Variants in HLA-DMB observed in about 807,000 individuals in gnomAD.
HLA-DMB encodes the protein major histocompatibility complex, class II, DM beta.
A neutral mutation model predicts 29.3 loss-of-function variants in HLA-DMB; 18 were observed. The observed-to-expected ratio is 0.62, with a 90% CI of 0.43 to 0.91. HLA-DMB has a LOEUF of 0.91. Among genes scored for constraint, HLA-DMB ranks in the 40% least tolerant of loss-of-function variants. The probability of loss-of-function intolerance (pLI) is 0.00; values close to 1 mark genes in which losing one functional copy is unlikely to be tolerated. For synonymous variants in HLA-DMB, 143 were observed against 128.7 expected, an observed-to-expected ratio of 1.11 and a Z score of -0.75; for missense variants, 258 against 320.9, an observed-to-expected ratio of 0.80 and a Z score of 1.50.
rs763123754 is a variant in HLA-DMB at position 32,937,145 on chromosome 6, A to G, written c.622+27T>C. 6.5e-7 allele frequency: 1 copy of G among 1,541,912 alleles called. No individual in the cohort carries two copies. The highest frequency in any genetic ancestry group is 8.8e-7 in the Non-Finnish European group (1 of 1,138,548). On this transcript the variant is annotated intron_variant, in intron 3 of 5. Transcript: ENST00000418107. This position sits in a 1 kb window ranked among gnomAD's most constrained non-coding sequence, Gnocchi z 4.1. The stretch of plus-strand genomic sequence containing the variant: ...ATCTCATTTTCTCTGCTTTGACCCT[A>G]ATTCCATCCATCTGCCATACACTTA...
chr6:32,935,150 C>T (rs1434412278), intron 5 of HLA-DMB, 163 bp from the exon 6 acceptor site: 2 of 865,344 alleles, frequency 2.3e-6, no homozygotes, highest in African/African-American at 3.4e-5. Flanking sequence ...ACAGACATCC[C>T]ACTTGGTAGA....
Position 32,937,616 on chromosome 6 carries a change from G to A in HLA-DMB, c.338-160C>T. On this transcript the variant is annotated intron_variant, in intron 2 of 5. Coordinates refer to ENST00000418107, the MANE Select transcript of HLA-DMB (RefSeq NM_002118.5). This position sits in a 1 kb window ranked among gnomAD's most constrained non-coding sequence, Gnocchi z 4.1. ...CCCCTTGAAGGGGAACCGTTAGAAT[G>A]TATTCCTGCATTACTCTTTCTTCTC... is the stretch of plus-strand genomic sequence containing the variant. The A allele has an allele frequency of 1.6e-6, 1 of 617,508 alleles. No homozygotes were observed. Among genetic ancestry groups the A allele is most frequent in the East Asian group, 2.8e-5 (1 of 36,144 alleles). 38.3% of individuals were successfully genotyped at this position (617,508 alleles called of 1,614,324 possible).
chr6:32,940,854 C>G lies in HLA-DMB; in HGVS notation c.-47G>C. The G allele has an allele frequency of 1.3e-6, 2 of 1,491,832 alleles. No homozygotes were observed. The highest frequency in any genetic ancestry group is 1.8e-6 in the Non-Finnish European group (2 of 1,091,810). The allele number at this position is 1,491,832 out of a possible 1,614,324, so 92.4% of individuals were successfully genotyped here. ...GGGAGTTCAGTCCCCTGGACCAGCT[C>G]TTCCAGGGTCCGTGGGTCCTCGCCT... On this transcript the variant is annotated 5_prime_UTR_variant, in exon 1 of 6. Transcript: ENST00000418107.
Position 32,937,156 on chromosome 6 carries a change from T to C in HLA-DMB, c.622+16A>G. 3.2e-6 allele frequency: 5 copies of C among 1,550,936 alleles called. No homozygotes were observed. The highest frequency in any genetic ancestry group is 3.5e-6 in the Non-Finnish European group (4 of 1,144,388). On this transcript the variant is annotated intron_variant, in intron 3 of 5. Transcript: ENST00000418107. This position sits in a 1 kb window ranked among gnomAD's most constrained non-coding sequence, Gnocchi z 4.1. The stretch of plus-strand genomic sequence containing the variant: ...TCTGCTTTGACCCTAATTCCATCCA[T>C]CTGCCATACACTTACTCCAGTCCCG...
rs746125292 is a variant in HLA-DMB, at chr6:32,934,827, G to T, written c.*144C>A. 1 of 854,990 alleles carries T rather than the reference G, an allele frequency of 1.2e-6. No homozygotes were observed. The highest frequency in any genetic ancestry group is 1.9e-6 in the Non-Finnish European group (1 of 532,028). 53.0% of individuals were successfully genotyped at this position (854,990 alleles called of 1,614,324 possible). On this transcript the variant is annotated 3_prime_UTR_variant, in exon 6 of 6. Coordinates refer to ENST00000418107, the MANE Select transcript of HLA-DMB (RefSeq NM_002118.5). ...CCAAGTTGCTAAGTTTTACATAGGG[G>T]AGACTGGGAAATTCAAAGAATTGGA... is the stretch of plus-strand genomic sequence containing the variant.
In HLA-DMB at chr6:32,938,699, G is replaced by A; in HGVS notation, c.322C>T (p.Leu108=). The A allele has an allele frequency of 6.6e-7, 1 of 1,522,958 alleles. No homozygotes were observed. The highest frequency in any genetic ancestry group is 8.8e-7 in the Non-Finnish European group (1 of 1,131,082). The allele number at this position is 1,522,958 out of a possible 1,614,324, so 94.3% of individuals were successfully genotyped here. The change falls in exon 2 of 6, where the codon CTG becomes TTG. Residue 108 remains leucine (L), a synonymous_variant. Transcript: ENST00000418107. ...ATHTQPFWGS[L]TNRTRPPSVQ... is the part of the protein sequence containing the mutation. ...CTCTCCTCACGTGTCCTGTTGGTCAGTGATCCCCAGAAGGGCTGGGTGTGT... is the reference window on the plus strand; with the variant it reads ...CTCTCCTCACGTGTCCTGTTGGTCAATGATCCCCAGAAGGGCTGGGTGTGT...
intron 1 of HLA-DMB, 145 bp from the exon 2 acceptor site, chr6:32,939,110 G>A (rs1051828406): frequency 3.9e-6 from 2 of 508,380 alleles, no homozygotes; most frequent in Non-Finnish European, 5.9e-6. Flanking sequence ...ACAGAGCTTT[G>A]TCTTTGACCC....
Position 32,934,897 on chromosome 6 carries a change from G to T in HLA-DMB, c.*74C>A. On this transcript the variant is annotated 3_prime_UTR_variant, in exon 6 of 6. Transcript: ENST00000418107. The stretch of plus-strand genomic sequence containing the variant: ...AAGATAATGTCAGGGGGTTGAAGAT[G>T]TTGGAGAGGCATGGTAGCATCATTG... 7.3e-7 allele frequency: 1 copy of T among 1,377,506 alleles called. No individual in the cohort carries two copies. The highest frequency in any genetic ancestry group is 1.0e-6 in the Non-Finnish European group (1 of 966,056). The allele number at this position is 1,377,506 out of a possible 1,614,324, so 85.3% of individuals were successfully genotyped here.
intron 3 of HLA-DMB, chr6:32,936,079 T>A (rs1004008732): frequency 2.2e-5 from 4 of 179,436 alleles, no homozygotes; most frequent in Non-Finnish European, 3.5e-5. Context: ...TGTCTTAACC[T>A]CCAGTGGATC....
rs148615873 is a variant in HLA-DMB at position 32,935,568 on chromosome 6, C to T, written c.707G>A (p.Gly236Asp). The change falls in exon 4 of 6, where the codon GGT becomes GAT. Residue 236 changes from glycine (G) to aspartate (D), a missense_variant. Gly to Asp is a moderately conservative substitution (Grantham distance 94, BLOSUM62 -1). Coordinates refer to ENST00000418107, the MANE Select transcript of HLA-DMB (RefSeq NM_002118.5). ...GCCAGCTCTCCGCCAGCTGATCACACCAAGAGAGAAGATGATGAGGCCCAG... is the reference window on the plus strand; with the variant it reads ...GCCAGCTCTCCGCCAGCTGATCACATCAAGAGAGAAGATGATGAGGCCCAG... ...LGLGLIIFSL[G>D]VISWRRAGHS... 4.3e-6 allele frequency: 7 copies of T among 1,613,056 alleles called. No individual in the cohort carries two copies. Among genetic ancestry groups the T allele is most frequent in the Non-Finnish European group, 5.9e-6 (7 of 1,180,002 alleles).
At position 32,938,517 on chromosome 6, in the gene HLA-DMB, C is replaced by A. The variant is rs1196308283; in HGVS notation, c.337+167G>T. 1.1e-5 allele frequency: 7 copies of A among 644,860 alleles called. No individual in the cohort carries two copies. In the African/African-American group the frequency reaches 1.1e-4, roughly 10 times the overall value. 39.9% of individuals were successfully genotyped at this position (644,860 alleles called of 1,614,324 possible). A position where few individuals can be genotyped will look rare whatever the true frequency, so the allele number is the denominator to read the frequency against. On this transcript the variant is annotated intron_variant, in intron 2 of 5. Transcript: ENST00000418107. ...ACTCCTGTTCCACTCACGTCAGCCA[C>A]CTTGTTCCCCTTGAGGTTCAATCCT...
rs3101943 is a variant in HLA-DMB at position 32,940,975 on chromosome 6, G to A, written c.-168C>T. 8.9e-3 allele frequency: 4,930 copies of A among 552,624 alleles called. 45 individuals carry two copies. The highest frequency in any genetic ancestry group is 1.0e-2 in the Non-Finnish European group (3,046 of 304,772). 34.2% of individuals were successfully genotyped at this position (552,624 alleles called of 1,614,324 possible). A position where few individuals can be genotyped will look rare whatever the true frequency, so the allele number is the denominator to read the frequency against. ...TGACCCCCCAAATGAGTGATGTGGGGATACCCAGCCCCTAGATATTAAATC... is the reference window on the plus strand; with the variant it reads ...TGACCCCCCAAATGAGTGATGTGGGAATACCCAGCCCCTAGATATTAAATC... On this transcript the variant is annotated 5_prime_UTR_variant, in exon 1 of 6. Coordinates refer to ENST00000418107, the MANE Select transcript of HLA-DMB (RefSeq NM_002118.5).
In HLA-DMB at chr6:32,934,660, A is replaced by G. The variant is rs1181784000; in HGVS notation, c.*311T>C. The G allele has an allele frequency of 2.6e-6, 1 of 386,582 alleles. No homozygotes were observed. Among genetic ancestry groups the G allele is most frequent in the Non-Finnish European group, 4.6e-6 (1 of 216,260 alleles). 23.9% of individuals were successfully genotyped at this position (386,582 alleles called of 1,614,324 possible). A position where few individuals can be genotyped will look rare whatever the true frequency, so the allele number is the denominator to read the frequency against. On this transcript the variant is annotated 3_prime_UTR_variant, in exon 6 of 6. Coordinates refer to ENST00000418107, the MANE Select transcript of HLA-DMB (RefSeq NM_002118.5). ...ATTTCCACCAAAGTTTATTTCTCTG[A>G]AACAATCACCAGTTGCTGTCCTCTA...
intron 3 of HLA-DMB, chr6:32,936,678 C>T (rs1776017575): frequency 6.5e-6 from 1 of 153,604 alleles, no homozygotes; most frequent in Non-Finnish European, 1.5e-5. Flanking sequence ...GCAGTACTGC[C>T]CCACACCAAG....
Position 32,938,868 on chromosome 6 carries a change from C to G in HLA-DMB, c.153G>C (p.Leu51=). The change falls in exon 2 of 6, where the codon CTG becomes CTC. Residue 51 remains leucine, a synonymous_variant. Transcript: ENST00000418107. ...TATTCTCCTCTGGATCCCAGCAGGT[C>G]AGCAGATCCTTGTTGAAGGAGATGC... is the stretch of plus-strand genomic sequence containing the variant. ...TYCISFNKDL[L]TCWDPEENKM... 6.2e-7 allele frequency: 1 copy of G among 1,612,396 alleles called. No individual in the cohort carries two copies. Among genetic ancestry groups the G allele is most frequent in the Non-Finnish European group, 8.5e-7 (1 of 1,179,768 alleles).
chr6:32,940,249 C>A (rs1776274707), intron 1 of HLA-DMB, among the ~76,000 whole-genome samples: 1 of 151,992 alleles, frequency 6.6e-6, no homozygotes, highest in Admixed American at 6.6e-5. Flanking sequence ...TTGAGGGAGT[C>A]AGTAGAAGTA....
At position 32,935,646 on chromosome 6, in the gene HLA-DMB, C is replaced by T; in HGVS notation, c.629G>A (p.Gly210Glu). Residue 210 changes from glycine to glutamate, a missense_variant, in exon 4 of 6, where the codon GGG (glycine) becomes GAG (glutamate). Transcript: ENST00000418107. ...PEPILRDWTP[G>E]LSPMQTLKVS... ...CTTCAGGGTCTGCATGGGGGACAGC[C>T]CAGGTGCTGCAAAAAATAGAAACTT... 6.2e-7 allele frequency: 1 copy of T among 1,611,346 alleles called. No homozygotes were observed. The highest frequency in any genetic ancestry group is 8.5e-7 in the Non-Finnish European group (1 of 1,178,928).
At position 32,939,032 on chromosome 6, in the gene HLA-DMB, A is replaced by G. The variant is rs1191843732; in HGVS notation, c.56-67T>C. On this transcript the variant is annotated intron_variant, in intron 1 of 5. Coordinates refer to ENST00000418107, the MANE Select transcript of HLA-DMB (RefSeq NM_002118.5). ...CTGGCCTGGCAATAAATAAATAAAT[A>G]TATAAATAATAAATATACACAAATA... 1.8e-5 allele frequency: 17 copies of G among 938,502 alleles called. No homozygotes were observed. In the South Asian group the frequency reaches 7.8e-4, roughly 43 times the overall value. The allele number at this position is 938,502 out of a possible 1,614,324, so 58.1% of individuals were successfully genotyped here.
At chr6:32,940,339 C>T (rs1265473906) in intron 1 of HLA-DMB, among the ~76,000 whole-genome samples, 2 of 151,996 alleles carry the variant, frequency 1.3e-5, no homozygotes, top group African/African-American at 2.4e-5. Context: ...AGATTATTTG[C>T]ATGTTTAAAC....
Sources: gnomAD v4.1 joint callset for allele counts (sites outside exome capture counted in the v4.1 genomes callset) on GRCh38, gnomAD v4.1.1 for gene constraint, Gnocchi (gnomAD v3.1) non-coding constraint, MANE v1.5 for transcripts, NCBI Gene and HGNC (gene_info 2026-07-23, HGNC 2026-07-21) for gene names.